PCSK5: variants seen among roughly 807,000 people sequenced by gnomAD.
PCSK5 encodes proprotein convertase subtilisin/kexin type 5.
Under a neutral mutation model 233.2 loss-of-function variants are expected in PCSK5, and 129 were observed. The ratio of observed to expected loss-of-function variants is 0.55; its 90% CI spans 0.48 to 0.64. The LOEUF (loss-of-function observed/expected upper bound fraction) is 0.64. Ranked by LOEUF, PCSK5 falls within the 30% of genes least tolerant of loss-of-function variation. The pLI is 0.00. For missense variants in PCSK5, 2,076 were observed against 2,430.1 expected, an observed-to-expected ratio of 0.85 and a Z score of 3.06; for synonymous variants, 825 against 879.2, an observed-to-expected ratio of 0.94 and a Z score of 1.09.
chr9:76,246,109 G>A (rs1245973609), intron 24 of PCSK5, among the ~76,000 whole-genome samples: 1 of 152,026 alleles, frequency 6.6e-6, no homozygotes, highest in Non-Finnish European at 1.5e-5. Flanking sequence ...GGGAGGCCGA[G>A]GCGGGCAGAT....
chr9:76,001,727 G>A (rs2131429285), intron 3 of PCSK5, among the ~76,000 whole-genome samples: 1 of 152,246 alleles, frequency 6.6e-6, no homozygotes, highest in South Asian at 2.1e-4. Context: ...TTTTAGAAAG[G>A]AGTGTGTTAA....
chr9:75,997,732 C>G (rs1231382257), intron 3 of PCSK5, among the ~76,000 whole-genome samples: 1 of 152,098 alleles, frequency 6.6e-6, no homozygotes, highest in Non-Finnish European at 1.5e-5. Flanking sequence ...GCATTCACCA[C>G]TTATTGTTTC....
At chr9:76,223,641 AT>A (rs1330230974) in intron 20 of PCSK5, among the ~76,000 whole-genome samples, 2 of 152,186 alleles carry the variant, frequency 1.3e-5, no homozygotes, top group Non-Finnish European at 2.9e-5. Flanking sequence ...GGAATGGAAC[AT>A]TTTTTGATCA....
intron 7 of PCSK5, among the ~76,000 whole-genome samples, chr9:76,078,574 A>G (rs1830721734): frequency 6.6e-6 from 1 of 152,184 alleles, no homozygotes; most frequent in African/African-American, 2.4e-5. Context: ...TTTATTGAAT[A>G]AGGAGTCCTT....
chr9:75,962,182 T>C lies in PCSK5; in HGVS notation c.298-23950T>C, dbSNP rs184273599. Among the ~76,000 whole-genome samples the C allele has an allele frequency of 4.0e-4, 61 of 151,152 alleles. 1 individual carries two copies. In the East Asian group the frequency reaches 0.011, roughly 28 times the overall value. On this transcript the variant is annotated intron_variant, in intron 2 of 37. Coordinates refer to ENST00000674117, the MANE Select transcript of PCSK5 (RefSeq NM_001372043.1). ...TCAGGGAAGACCTCTCTGAGTGGAG[T>C]TGAGGATTGGGAGGAGCTGGGAAGG...
At chr9:76,264,079 A>G (rs1827263376) in intron 24 of PCSK5, among the ~76,000 whole-genome samples, 2 of 152,218 alleles carry the variant, frequency 1.3e-5, no homozygotes, top group Admixed American at 1.3e-4. Context: ...TACAGTAACC[A>G]AAACAGCATG....
intron 20 of PCSK5, among the ~76,000 whole-genome samples, chr9:76,196,341 T>C (rs1384598097): frequency 6.6e-6 from 1 of 152,196 alleles, no homozygotes; most frequent in Non-Finnish European, 1.5e-5. Flanking sequence ...CTTTGTTCAA[T>C]TTGCTGACAT....
intron 1 of PCSK5, among the ~76,000 whole-genome samples, chr9:75,923,451 CAT>C (rs1478338767): frequency 2.7e-5 from 4 of 148,220 alleles, no homozygotes; most frequent in African/African-American, 1.0e-4. Context: ...AGATCAAGAT[CAT>C]GTGAAAAAAA....
At chr9:76,122,563 G>T (rs555606779) in intron 9 of PCSK5, among the ~76,000 whole-genome samples, 5 of 151,966 alleles carry the variant, frequency 3.3e-5, no homozygotes, top group Middle Eastern at 3.4e-3. Context: ...AGCAACACTG[G>T]TGTTTGGTGA....
At chr9:76,257,035 G>T (rs1338729991) in intron 24 of PCSK5, among the ~76,000 whole-genome samples, 3 of 152,194 alleles carry the variant, frequency 2.0e-5, no homozygotes, top group Non-Finnish European at 4.4e-5. Flanking sequence ...TATCAAAACA[G>T]AATTTAATTT....
intron 24 of PCSK5, among the ~76,000 whole-genome samples, chr9:76,275,506 C>A (rs954891987): frequency 6.6e-6 from 1 of 152,162 alleles, no homozygotes; most frequent in Non-Finnish European, 1.5e-5. Flanking sequence ...CTTACTGCAA[C>A]CTCCGCCTCT....
chr9:76,198,450 A>G (rs1824784112), intron 20 of PCSK5, among the ~76,000 whole-genome samples: 1 of 152,180 alleles, frequency 6.6e-6, no homozygotes, highest in African/African-American at 2.4e-5. Context: ...GGCCCACACA[A>G]AAATCAGGCC....
At chr9:75,909,510 A>G (rs1822630243) in intron 1 of PCSK5, among the ~76,000 whole-genome samples, 1 of 152,116 alleles carries the variant, frequency 6.6e-6, no homozygotes, top group African/African-American at 2.4e-5. Context: ...AGCCTGACCA[A>G]AATGGAGAAA....
chr9:76,320,542 T>C (rs62565671), intron 30 of PCSK5, among the ~76,000 whole-genome samples: 48,704 of 142,352 alleles, frequency 0.34, 8,865 homozygotes, highest in African/African-American at 0.43. Context: ...GGCACAATCT[T>C]GGCTCACCTC....
chr9:76,255,689 G>C (rs566968234), intron 24 of PCSK5, among the ~76,000 whole-genome samples: 2 of 152,108 alleles, frequency 1.3e-5, no homozygotes, highest in African/African-American at 4.8e-5. Flanking sequence ...TTTTAAGTTA[G>C]CCTGGTGCGG....
At chr9:76,238,882 T>C in intron 22 of PCSK5, 77 bp from the exon 23 acceptor site, 7 of 1,083,866 alleles carry the variant, frequency 6.5e-6, no homozygotes, top group South Asian at 5.6e-5. Context: ...TTTTAAAATA[T>C]AATATCTTAC....
At chr9:76,297,167 G>C (rs7040027) in intron 27 of PCSK5, among the ~76,000 whole-genome samples, 26,182 of 152,054 alleles carry the variant, frequency 0.17, 2,831 homozygotes, top group African/African-American at 0.3. Context: ...AGAGAGTCAC[G>C]GAGGGAAATG....
At chr9:76,091,527 C>T (rs1429189811) in intron 7 of PCSK5, among the ~76,000 whole-genome samples, 3 of 152,254 alleles carry the variant, frequency 2.0e-5, no homozygotes, top group African/African-American at 4.8e-5. Flanking sequence ...AGCACACCTT[C>T]GGGACTGTTC....
rs1829701509 is a variant in PCSK5, at chr9:76,337,192, T to C, written c.4749-1038T>C. 6.1e-5 allele frequency among the ~76,000 whole-genome samples: 6 copies of C among 98,736 alleles called. No individual in the cohort carries two copies. The South Asian group carries it at 1.7e-3, about 28-fold the overall frequency. 64.8% of individuals were successfully genotyped at this position (98,736 alleles called of 152,430 possible). On this transcript the variant is annotated intron_variant, in intron 34 of 37. Coordinates refer to ENST00000674117, the MANE Select transcript of PCSK5 (RefSeq NM_001372043.1). ...TTATGTTATCTTTTATTGTATTTTATTTATGACAGTCTCACTCTGTCACCC... is the reference window on the plus strand; with the variant it reads ...TTATGTTATCTTTTATTGTATTTTACTTATGACAGTCTCACTCTGTCACCC...
Sources: gnomAD v4.1 joint callset for allele counts (sites outside exome capture counted in the v4.1 genomes callset) on GRCh38, gnomAD v4.1.1 for gene constraint, MANE v1.5 for transcripts, NCBI Gene and HGNC (gene_info 2026-07-23, HGNC 2026-07-21) for gene names.